Variants in MDGA2 observed in about 807,000 individuals in gnomAD.
MDGA2 encodes the protein MAM domain-containing glycosylphosphatidylinositol anchor protein 2.
Under a neutral mutation model 117.8 loss-of-function variants are expected in MDGA2, and 40 were observed. The ratio of observed to expected loss-of-function variants is 0.34; its 90% CI spans 0.26 to 0.44. The LOEUF (loss-of-function observed/expected upper bound fraction) is 0.44, where lower values mean the gene tolerates loss of function less well. MDGA2 is among the 20% of genes least tolerant of loss of function. The pLI, the probability that MDGA2 is intolerant of heterozygous loss-of-function variation, is 1.00. For synonymous variants in MDGA2, 452 were observed against 439.0 expected (o/e 1.03, Z -0.37); for missense variants, 1,123 against 1,250.6 (o/e 0.90, Z 1.54).
intron 6 of MDGA2, among the ~76,000 whole-genome samples, chr14:47,088,578 C>A (rs1388575565): frequency 6.6e-6 from 1 of 152,140 alleles, no homozygotes; most frequent in Non-Finnish European, 1.5e-5. Context: ...AAATTCACCA[C>A]TAATTTATAT....
At chr14:47,199,576 G>T (rs1247547441) in intron 3 of MDGA2, among the ~76,000 whole-genome samples, 1 of 152,044 alleles carries the variant, frequency 6.6e-6, no homozygotes. Flanking sequence ...TTGTTGCTCT[G>T]AGGTCATACA....
At chr14:47,373,276 A>C (rs2138397332) in intron 1 of MDGA2, among the ~76,000 whole-genome samples, 2 of 152,198 alleles carry the variant, frequency 1.3e-5, no homozygotes, top group South Asian at 4.1e-4. Flanking sequence ...GTAAAGGATA[A>C]AGTATATAAA....
chr14:46,960,082 C>A (rs1885734366), intron 8 of MDGA2, among the ~76,000 whole-genome samples: 1 of 151,836 alleles, frequency 6.6e-6, no homozygotes, highest in African/African-American at 2.4e-5. Context: ...ATTAGCCGGG[C>A]ATGTGGCGTG....
intron 8 of MDGA2, among the ~76,000 whole-genome samples, chr14:46,993,277 C>T (rs910217519): frequency 7.9e-5 from 12 of 152,098 alleles, no homozygotes; most frequent in Admixed American, 5.2e-4. Context: ...AGCAATTTGC[C>T]TTCTCTATCA....
At chr14:47,142,117 A>C (rs1882745881) in intron 4 of MDGA2, among the ~76,000 whole-genome samples, 1 of 152,164 alleles carries the variant, frequency 6.6e-6, no homozygotes, top group East Asian at 1.9e-4. Flanking sequence ...CCCTGTGTTC[A>C]TTTCCAAGTG....
intron 1 of MDGA2, among the ~76,000 whole-genome samples, chr14:47,618,768 C>T (rs1465718323): frequency 6.6e-6 from 1 of 152,120 alleles, no homozygotes; most frequent in Admixed American, 6.5e-5. Flanking sequence ...AACAAAAAAA[C>T]TAAGCCATGA....
At chr14:47,614,238 T>A (rs79618977) in intron 1 of MDGA2, among the ~76,000 whole-genome samples, 11,816 of 151,710 alleles carry the variant, frequency 0.078, 464 homozygotes, top group Middle Eastern at 0.099. Flanking sequence ...TACAGGCACC[T>A]GCCATCATGT....
At chr14:46,934,266 T>C (rs914713032) in intron 9 of MDGA2, among the ~76,000 whole-genome samples, 6 of 152,212 alleles carry the variant, frequency 3.9e-5, no homozygotes, top group Admixed American at 1.3e-4. Context: ...AGAATTATGG[T>C]CCTGCACTGC....
At chr14:47,646,344 T>C (rs1897534228) in intron 1 of MDGA2, among the ~76,000 whole-genome samples, 1 of 151,972 alleles carries the variant, frequency 6.6e-6, no homozygotes, top group Non-Finnish European at 1.5e-5. Flanking sequence ...CATATACACA[T>C]ATAACATATA....
chr14:46,929,605 A>G (rs866445634), intron 9 of MDGA2, among the ~76,000 whole-genome samples: 438 of 9,008 alleles, frequency 0.049, 9 homozygotes, highest in African/African-American at 0.17. Context: ...GTGTGTGTAT[A>G]TATATATATA....
At chr14:47,390,869 C>A (rs1330569826) in intron 1 of MDGA2, among the ~76,000 whole-genome samples, 1 of 152,108 alleles carries the variant, frequency 6.6e-6, no homozygotes, top group Non-Finnish European at 1.5e-5. Context: ...AATGTTTCTT[C>A]TTGATATCCT....
At chr14:47,396,764 G>A (rs4326968) in intron 1 of MDGA2, among the ~76,000 whole-genome samples, 52,873 of 152,050 alleles carry the variant, frequency 0.35, 9,622 homozygotes, top group East Asian at 0.56. Context: ...TTAGAAAAAT[G>A]CAAATCAAAA....
chr14:47,189,468 T>G (rs1361427393), intron 3 of MDGA2, among the ~76,000 whole-genome samples: 1 of 152,054 alleles, frequency 6.6e-6, no homozygotes, highest in East Asian at 1.9e-4. Context: ...AGGTGAAAAA[T>G]ATTATTTATG....
chr14:47,273,766 G>C (rs1245121824), intron 2 of MDGA2, among the ~76,000 whole-genome samples: 1 of 152,046 alleles, frequency 6.6e-6, no homozygotes, highest in African/African-American at 2.4e-5. Context: ...TGAATGTAAA[G>C]GATAATATAG....
At chr14:46,962,389 C>T (rs993189114) in intron 8 of MDGA2, among the ~76,000 whole-genome samples, 2 of 152,010 alleles carry the variant, frequency 1.3e-5, no homozygotes, top group Admixed American at 1.3e-4. Flanking sequence ...AGATATAATC[C>T]TTTGAGATCC....
At chr14:46,904,244 T>C (rs909543816) in intron 10 of MDGA2, among the ~76,000 whole-genome samples, 3 of 151,696 alleles carry the variant, frequency 2.0e-5, no homozygotes, top group Admixed American at 6.6e-5. Context: ...TGGTGGCATA[T>C]GCCTGTAATC....
intron 1 of MDGA2, among the ~76,000 whole-genome samples, chr14:47,559,958 C>T (rs913780929): frequency 6.6e-6 from 1 of 152,102 alleles, no homozygotes; most frequent in African/African-American, 2.4e-5. Context: ...CGTCTAAGTT[C>T]TTTGAAAAAT....
At chr14:47,324,760 A>C (rs944868260) in intron 1 of MDGA2, among the ~76,000 whole-genome samples, 1 of 152,018 alleles carries the variant, frequency 6.6e-6, no homozygotes, top group Non-Finnish European at 1.5e-5. Flanking sequence ...GGTTTTCTTG[A>C]TTTCTATTAG....
At chr14:47,606,030 G>A (rs923988031) in intron 1 of MDGA2, among the ~76,000 whole-genome samples, 1 of 152,074 alleles carries the variant, frequency 6.6e-6, no homozygotes, top group Non-Finnish European at 1.5e-5. Flanking sequence ...GCCCAAATTA[G>A]TGTGTTAAAT....
Sources: allele counts gnomAD v4.1 joint callset (sites outside exome capture counted in the v4.1 genomes callset), GRCh38; gene constraint gnomAD v4.1.1; transcripts MANE v1.5; gene names NCBI Gene and HGNC (gene_info 2026-07-23, HGNC 2026-07-21).